The following TMEM178B variants were observed in gnomAD, a reference collection of about 807,000 sequenced individuals.
TMEM178B encodes transmembrane protein 178B.
In TMEM178B, 5 loss-of-function variants were observed where a neutral mutation model predicts 31.0. The observed-to-expected ratio is 0.16, with a 90% CI of 0.08 to 0.34. The LOEUF is 0.34. Among genes scored for constraint, TMEM178B ranks in the 10% least tolerant of loss-of-function variants. TMEM178B has a pLI of 1.00. For synonymous variants in TMEM178B, 164 were observed against 164.0 expected (o/e 1.00, Z 0.00); for missense variants, 275 against 400.3 (o/e 0.69, Z 2.67).
chr7:141,461,248 G>A lies in TMEM178B; in HGVS notation c.635-9288G>A, dbSNP rs558055715. Among the ~76,000 whole-genome samples the A allele has an allele frequency of 1.3e-5, 2 of 152,318 alleles. No homozygotes were observed. Among genetic ancestry groups the A allele is most frequent in the Admixed American group, 6.5e-5 (1 of 15,306 alleles). On this transcript the variant is annotated intron_variant, in intron 3 of 3. Coordinates refer to ENST00000565468, the MANE Select transcript of TMEM178B (RefSeq NM_001195278.2). This position sits in a 1 kb window ranked among gnomAD's most constrained non-coding sequence, Gnocchi z 4.0. ...CTCCCTGATACACAGCCACGTGGGT[G>A]TTTCTGCAGAGCCTGCCTTGCAGCG...
chr7:141,206,834 C>T (rs1251050768), intron 1 of TMEM178B, among the ~76,000 whole-genome samples: 10 of 152,146 alleles, frequency 6.6e-5, no homozygotes, highest in Non-Finnish European at 1.3e-4. Flanking sequence ...AACAGATTTT[C>T]GAGTGTATAA....
the TMEM178B span, among the ~76,000 whole-genome samples, chr7:141,491,043 T>C: frequency 1.3e-5 from 2 of 152,188 alleles, no homozygotes; most frequent in Non-Finnish European, 2.9e-5. Context: ...TTTTATTTTT[T>C]TTGAGGCTGG....
chr7:141,247,691 G>A (rs1052783055), intron 2 of TMEM178B, among the ~76,000 whole-genome samples: 4 of 152,256 alleles, frequency 2.6e-5, no homozygotes, highest in Middle Eastern at 6.8e-3. Context: ...TCTAAAAGGT[G>A]GGAGCTGTAA....
In TMEM178B at chr7:141,074,352, A is replaced by G; in HGVS notation, c.42A>G (p.Leu14=). Reference sequence around the variant, plus strand: ...TACTGCTCTACACTGGCCTCTCGCTAGCGCTCTGCGCCCTCGGCATGCTGG... The same window carrying G: ...TACTGCTCTACACTGGCCTCTCGCTGGCGCTCTGCGCCCTCGGCATGCTGG... ...GRLLLYTGLS[L]ALCALGMLAV... The change falls in exon 1 of 4, where the codon CTA becomes CTG. Residue 14 remains leucine (L), a synonymous_variant. Coordinates refer to ENST00000565468, the MANE Select transcript of TMEM178B (RefSeq NM_001195278.2). The surrounding 1 kb of genome is among the most constrained non-coding windows in gnomAD (Gnocchi z 5.1). 1.3e-6 allele frequency: 2 copies of G among 1,536,064 alleles called. No individual in the cohort carries two copies. The highest frequency in any genetic ancestry group is 1.7e-6 in the Non-Finnish European group (2 of 1,146,844).
At chr7:141,262,415 C>T (rs937250469) in intron 2 of TMEM178B, among the ~76,000 whole-genome samples, 1 of 149,022 alleles carries the variant, frequency 6.7e-6, no homozygotes, top group Non-Finnish European at 1.5e-5. Context: ...AGGGAGAAAG[C>T]GACAGCTTTT....
intron 1 of TMEM178B, among the ~76,000 whole-genome samples, chr7:141,184,882 A>G (rs1796584092): frequency 6.6e-6 from 1 of 152,216 alleles, no homozygotes; most frequent in Non-Finnish European, 1.5e-5. Context: ...AGAGGAAAAC[A>G]CAGGTAACCC....
chr7:141,246,780 A>G (rs2191933), intron 2 of TMEM178B, among the ~76,000 whole-genome samples: 76,963 of 151,890 alleles, frequency 0.51, 20,045 homozygotes, highest in East Asian at 0.8. Flanking sequence ...GGGTCAGAGT[A>G]CAGAAGGGCC....
rs561636849 is a variant in TMEM178B, at chr7:141,074,505, C to G, written c.195C>G (p.Leu65=). Residue 65 remains leucine (L), a synonymous_variant, in exon 1 of 4, where the codon CTC becomes CTG. Transcript: ENST00000565468. The surrounding 1 kb of genome is among the most constrained non-coding windows in gnomAD (Gnocchi z 5.1). Reference sequence around the variant, plus strand: ...ACAACAATAACAACAACTTGCCGCTCCGGGCGAGCCGCTCGCGCCTGGACC... The same window carrying G: ...ACAACAATAACAACAACTTGCCGCTGCGGGCGAGCCGCTCGCGCCTGGACC... The part of the protein sequence containing the change: ...FIYNNNNNLP[L]RASRSRLDRW... 1.3e-6 allele frequency: 2 copies of G among 1,535,934 alleles called. No homozygotes were observed. The highest frequency in any genetic ancestry group is 1.7e-6 in the Non-Finnish European group (2 of 1,146,838).
intron 1 of TMEM178B, among the ~76,000 whole-genome samples, chr7:141,193,889 C>T (rs546251813): frequency 1.4e-4 from 22 of 152,316 alleles, no homozygotes; most frequent in Admixed American, 7.2e-4. Context: ...ATTGCCATTC[C>T]GGGCCTTGTA....
At chr7:141,199,349 G>A (rs1192418385) in intron 1 of TMEM178B, among the ~76,000 whole-genome samples, 1 of 152,182 alleles carries the variant, frequency 6.6e-6, no homozygotes, top group Non-Finnish European at 1.5e-5. Context: ...TGGCAACCTA[G>A]TAGGTACTTT....
chr7:141,498,965 A>T, the TMEM178B span, among the ~76,000 whole-genome samples: 1 of 152,218 alleles, frequency 6.6e-6, no homozygotes, highest in African/African-American at 2.4e-5. Context: ...ATGCCAAGGC[A>T]TATGCTAAAT....
the TMEM178B span, among the ~76,000 whole-genome samples, chr7:141,501,057 A>T: frequency 6.6e-6 from 1 of 152,224 alleles, no homozygotes; most frequent in African/African-American, 2.4e-5. Context: ...ATAGTTTGTT[A>T]TCTCTAAAGC....
rs1801211734 is a variant in TMEM178B, at chr7:141,421,630, A to G, written c.497-15978A>G. Among the ~76,000 whole-genome samples, 6 of 152,206 alleles carry G rather than the reference A, an allele frequency of 3.9e-5. 1 individual carries two copies. The South Asian group carries it at 1.2e-3, about 32-fold the overall frequency. Reference sequence around the variant, plus strand: ...GATCTCATGGGTAAAAGGGAAATGAAAAGCTCATCAATTCTGGGGGAGGAT... The same window carrying G: ...GATCTCATGGGTAAAAGGGAAATGAGAAGCTCATCAATTCTGGGGGAGGAT... On this transcript the variant is annotated intron_variant, in intron 2 of 3. Coordinates refer to ENST00000565468, the MANE Select transcript of TMEM178B (RefSeq NM_001195278.2).
At chr7:141,203,943 G>A (rs987239098) in intron 1 of TMEM178B, among the ~76,000 whole-genome samples, 12 of 152,192 alleles carry the variant, frequency 7.9e-5, no homozygotes, top group African/African-American at 2.9e-4. Context: ...GCCTGTAGAT[G>A]GGTGAATACC....
intron 2 of TMEM178B, among the ~76,000 whole-genome samples, chr7:141,383,316 C>A (rs922486454): frequency 7.3e-5 from 11 of 151,024 alleles, no homozygotes; most frequent in Admixed American, 6.6e-4. Context: ...TGTGCTGCAC[C>A]CATTAACTCG....
At chr7:141,158,147 G>A (rs910705256) in intron 1 of TMEM178B, among the ~76,000 whole-genome samples, 1 of 152,174 alleles carries the variant, frequency 6.6e-6, no homozygotes, top group Non-Finnish European at 1.5e-5. Flanking sequence ...CCAGGCTGGA[G>A]TGCAGTGGCG....
chr7:141,464,568 T>G (rs939986348), intron 3 of TMEM178B, among the ~76,000 whole-genome samples: 1 of 152,224 alleles, frequency 6.6e-6, no homozygotes, highest in African/African-American at 2.4e-5. Flanking sequence ...CATTAAAGAT[T>G]AATTCTTATT....
chr7:141,206,592 C>T (rs1384313421), intron 1 of TMEM178B, among the ~76,000 whole-genome samples: 1 of 152,164 alleles, frequency 6.6e-6, no homozygotes, highest in Non-Finnish European at 1.5e-5. Flanking sequence ...TGACTCTCTG[C>T]CAAAGGCCGC....
chr7:141,271,089 C>A (rs979184280), intron 2 of TMEM178B, among the ~76,000 whole-genome samples: 15 of 152,318 alleles, frequency 9.8e-5, no homozygotes, highest in African/African-American at 3.6e-4. Context: ...TTGTCTCCTC[C>A]ATTTATCTGT....
Sources: gnomAD v4.1 joint callset for allele counts (sites outside exome capture counted in the v4.1 genomes callset) on GRCh38, gnomAD v4.1.1 for gene constraint, Gnocchi (gnomAD v3.1) non-coding constraint, MANE v1.5 for transcripts, NCBI Gene and HGNC (gene_info 2026-07-23, HGNC 2026-07-21) for gene names.